CNN2: variants seen among roughly 807,000 people sequenced by gnomAD.
CNN2 encodes the protein calponin 2.
CNN2 carries 21 observed loss-of-function variants against 31.0 expected under a neutral mutation model. The ratio of observed to expected loss-of-function variants is 0.68; its 90% CI spans 0.48 to 0.98. CNN2 has a LOEUF of 0.98. Ranked by LOEUF, CNN2 falls within the 50% of genes least tolerant of loss-of-function variation. The pLI is 0.00. For missense variants in CNN2, 399 were observed against 427.3 expected (o/e 0.93, Z 0.58); for synonymous variants, 165 against 179.6 (o/e 0.92, Z 0.65).
At chr19:1,030,963 T>A in intron 1 of CNN2, 108 bp from the exon 2 acceptor site, 1 of 1,370,804 alleles carries the variant, frequency 7.3e-7, no homozygotes, top group Non-Finnish European at 9.9e-7. Context: ...GGCCGCTCTA[T>A]CTGCTGTTGC....
chr19:1,035,795 G>A (rs1046261743), intron 4 of CNN2, among the ~76,000 whole-genome samples: 6 of 152,190 alleles, frequency 3.9e-5, no homozygotes, highest in East Asian at 1.9e-4. Context: ...GGTGGCACAC[G>A]CCTGTAATCC....
At position 1,031,189 on chromosome 19, in the gene CNN2, G is replaced by T. The variant is rs2039485957; in HGVS notation, c.182G>T (p.Cys61Phe). 1 of 1,609,538 alleles carries T rather than the reference G, an allele frequency of 6.2e-7. No homozygotes were observed. Among genetic ancestry groups the T allele is most frequent in the Admixed American group, 1.7e-5 (1 of 59,860 alleles). ...GGCCTGAAGGATGGAACTATCTTAT[G>T]CACGTGAGTACACGCAGGGACACAG... ...QKGLKDGTIL[C>F]TLMNKLQPGS... Residue 61 changes from cysteine (C) to phenylalanine (F), a missense_variant, in exon 2 of 7, where the codon TGC (cysteine) becomes TTC (phenylalanine). Transcript: ENST00000263097.
chr19:1,028,404 AG>A (rs201243630), intron 1 of CNN2, among the ~76,000 whole-genome samples: 3,179 of 152,186 alleles, frequency 0.021, 44 homozygotes, highest in South Asian at 0.038. Flanking sequence ...GGGTCACGGA[AG>A]GGTCGCCTCC....
intron 2 of CNN2, 33 bp downstream of exon 2, chr19:1,031,225 A>C (rs984465869): frequency 6.5e-7 from 1 of 1,532,726 alleles, no homozygotes. Context: ...GCTGTCTCAC[A>C]CTTAACAAAT....
In CNN2 at chr19:1,026,849, C is replaced by G. The variant is rs116087737; in HGVS notation, c.63+125C>G. 2,068 of 870,230 alleles carry G rather than the reference C, an allele frequency of 2.4e-3. 28 individuals are homozygous for G. The African/African-American group carries it at 0.033, about 14-fold the overall frequency. 53.9% of individuals were successfully genotyped at this position (870,230 alleles called of 1,614,324 possible). Reference sequence around the variant, plus strand: ...AGCTTGGAGACCCGGGGCGGACGGGCCCTTGTTCTCCCTGACGCCTGGTGG... The same window carrying G: ...AGCTTGGAGACCCGGGGCGGACGGGGCCTTGTTCTCCCTGACGCCTGGTGG... On this transcript the variant is annotated intron_variant, in intron 1 of 6. Transcript: ENST00000263097.
rs755557253 is a variant in CNN2, at chr19:1,036,264, C to G, written c.507+18C>G. ...GGCTGCAGGTGGGCGACAGCTCCCC[C>G]AGCCCCAGGGACCACGGCATTGGGG... On this transcript the variant is annotated intron_variant, in intron 5 of 6. Coordinates refer to ENST00000263097, the MANE Select transcript of CNN2 (RefSeq NM_004368.4). 4 of 1,571,730 alleles carry G rather than the reference C, an allele frequency of 2.5e-6. No homozygotes were observed. In the South Asian group the frequency reaches 3.5e-5, roughly 14 times the overall value.
intron 2 of CNN2, 142 bp from the exon 3 acceptor site, chr19:1,032,250 A>AG: frequency 2.1e-6 from 2 of 955,806 alleles, no homozygotes; most frequent in Non-Finnish European, 1.6e-6. Context: ...AAAAAAAAAA[A>AG]AGAGTGGAAA....
At chr19:1,032,270 A>G in intron 2 of CNN2, 122 bp from the exon 3 acceptor site, 2 of 1,095,428 alleles carry the variant, frequency 1.8e-6, no homozygotes, top group Non-Finnish European at 2.7e-6. Context: ...ACTGAGGCCC[A>G]GAGAGAGGCC....
At chr19:1,036,700 C>A in intron 6 of CNN2, 138 bp downstream of exon 6, 1 of 1,019,564 alleles carries the variant, frequency 9.8e-7, no homozygotes, top group Non-Finnish European at 1.5e-6. Context: ...TCCGGCTTCC[C>A]TCCCCGCTCT....
chr19:1,035,846 T>A (rs1313331868), intron 4 of CNN2, among the ~76,000 whole-genome samples: 1 of 152,066 alleles, frequency 6.6e-6, no homozygotes, highest in African/African-American at 2.4e-5. Flanking sequence ...TGCTTGAACC[T>A]GGGAGGAGGG....
In CNN2 at chr19:1,038,211, C is replaced by T. The variant is rs2039636108; in HGVS notation, c.*311C>T. 2 of 327,174 alleles carry T rather than the reference C, an allele frequency of 6.1e-6. No homozygotes were observed. Among genetic ancestry groups the T allele is most frequent in the Admixed American group, 4.7e-5 (1 of 21,400 alleles). 20.3% of individuals were successfully genotyped at this position (327,174 alleles called of 1,614,324 possible). A position where few individuals can be genotyped will look rare whatever the true frequency, so the allele number is the denominator to read the frequency against. The stretch of plus-strand genomic sequence containing the variant: ...CCTGGGCTTGGAAGGAACCGGTCCC[C>T]GACGGTTTCTGCTTGCCTCGCCTCT... On this transcript the variant is annotated 3_prime_UTR_variant, in exon 7 of 7. Transcript: ENST00000263097.
chr19:1,032,412 C>T lies in CNN2; in HGVS notation c.206C>T (p.Pro69Leu), dbSNP rs199749887. Residue 69 changes from proline to leucine, a missense_variant, in exon 3 of 7, where the codon CCG (proline) becomes CTG (leucine). Pro to Leu is a moderately conservative substitution (Grantham distance 98). Coordinates refer to ENST00000263097, the MANE Select transcript of CNN2 (RefSeq NM_004368.4). ...TCCAGACTCATGAACAAGCTACAGC[C>T]GGGCTCCGTCCCCAAGATCAACCGC... ...ILCTLMNKLQPGSVPKINRSM... is the reference protein window; with the variant it reads ...ILCTLMNKLQLGSVPKINRSM... 1.1e-5 allele frequency: 17 copies of T among 1,613,496 alleles called. No homozygotes were observed. The African/African-American group carries it at 1.3e-4, about 13-fold the overall frequency.
At chr19:1,027,670 G>A (rs941048637) in intron 1 of CNN2, among the ~76,000 whole-genome samples, 2 of 152,164 alleles carry the variant, frequency 1.3e-5, no homozygotes, top group Non-Finnish European at 2.9e-5. Flanking sequence ...CGAGACCCAC[G>A]GACAGGACCG....
chr19:1,035,236 C>T (rs1000277113), intron 4 of CNN2, among the ~76,000 whole-genome samples: 20 of 124,492 alleles, frequency 1.6e-4, no homozygotes, highest in Admixed American at 1.5e-3. Context: ...GGGTGGGACA[C>T]GGTGTCTGGT....
At chr19:1,036,336 G>A in intron 5 of CNN2, 80 bp from the exon 6 acceptor site, 2 of 1,580,976 alleles carry the variant, frequency 1.3e-6, no homozygotes, top group Non-Finnish European at 1.7e-6. Flanking sequence ...GCGGCATGGA[G>A]CCCTGTGGTC....
rs188873510 is a variant in CNN2 at position 1,035,986 on chromosome 19, C to T, written c.391-144C>T. ...TGTGTGGAGTGTGTGGAGTCCCAGACACCCGAGAGATGTGCCTGTGGGGGC... is the reference window on the plus strand; with the variant it reads ...TGTGTGGAGTGTGTGGAGTCCCAGATACCCGAGAGATGTGCCTGTGGGGGC... On this transcript the variant is annotated intron_variant, in intron 4 of 6. Coordinates refer to ENST00000263097, the MANE Select transcript of CNN2 (RefSeq NM_004368.4). 6.5e-5 allele frequency: 85 copies of T among 1,313,514 alleles called. No individual in the cohort carries two copies. The Admixed American group carries it at 2.7e-3, about 41-fold the overall frequency. 81.4% of individuals were successfully genotyped at this position (1,313,514 alleles called of 1,614,324 possible).
chr19:1,032,871 C>T (rs963454183), intron 4 of CNN2, 175 bp downstream of exon 4: 8 of 578,320 alleles, frequency 1.4e-5, no homozygotes, highest in East Asian at 3.0e-5. Flanking sequence ...CTCCAACTCC[C>T]AGGTTCAAGC....
At chr19:1,033,105 G>A (rs958934319) in intron 4 of CNN2, among the ~76,000 whole-genome samples, 3 of 151,998 alleles carry the variant, frequency 2.0e-5, no homozygotes, top group Non-Finnish European at 2.9e-5. Flanking sequence ...CTGAGCATCC[G>A]TGAGGTGCCA....
chr19:1,031,577 A>T, intron 2 of CNN2, among the ~76,000 whole-genome samples: 1 of 150,298 alleles, frequency 6.7e-6, no homozygotes, highest in Non-Finnish European at 1.5e-5. Context: ...AAAAAAAAAA[A>T]AAAAAAAAAA....
Sources: gnomAD v4.1 joint callset for allele counts (sites outside exome capture counted in the v4.1 genomes callset) on GRCh38, gnomAD v4.1.1 for gene constraint, MANE v1.5 for transcripts, NCBI Gene and HGNC (gene_info 2026-07-23, HGNC 2026-07-21) for gene names.